The following MAN2A1 variants were observed in gnomAD, a reference collection of about 807,000 sequenced individuals.
MAN2A1 encodes alpha-mannosidase 2.
In MAN2A1, 76 loss-of-function variants were observed where a neutral mutation model predicts 142.6. The observed-to-expected ratio is 0.53, with a 90% confidence interval of 0.44 to 0.65. MAN2A1 has a LOEUF of 0.65. Ranked by LOEUF, MAN2A1 falls within the 30% of genes least tolerant of loss-of-function variation. The pLI is 0.00. For synonymous variants in MAN2A1, 559 were observed against 473.2 expected, an observed-to-expected ratio of 1.18 and a Z score of -2.35; for missense variants, 1,311 against 1,365.1, an observed-to-expected ratio of 0.96 and a Z score of 0.62.
At chr5:109,768,783 C>A (rs992713579) in intron 6 of MAN2A1, among the ~76,000 whole-genome samples, 1 of 152,066 alleles carries the variant, frequency 6.6e-6, no homozygotes, top group Non-Finnish European at 1.5e-5. Flanking sequence ...AGAACAAGAA[C>A]TTGTAGGGGA....
At position 109,784,798 on chromosome 5, in the gene MAN2A1, A is replaced by G. The variant is rs1753554014; in HGVS notation, c.1632A>G (p.Ile544Met). The change falls in exon 10 of 22, where the codon ATA (isoleucine) becomes ATG (methionine). Residue 544 changes from isoleucine to methionine, a missense_variant. Ile to Met is a conservative substitution (Grantham distance 10). Coordinates refer to ENST00000261483, the MANE Select transcript of MAN2A1 (RefSeq NM_002372.4). ...FALRQAHKYK[I>M]NKFLSSSLYT... ...TGAGACAAGCTCACAAATACAAGAT[A>G]AATAAATTTCTCTCATCATCACTTT... 2.5e-6 allele frequency: 4 copies of G among 1,611,656 alleles called. No individual in the cohort carries two copies. The South Asian group carries it at 4.4e-5, about 18-fold the overall frequency.
chr5:109,719,554 G>A (rs1751546777), intron 3 of MAN2A1, among the ~76,000 whole-genome samples: 1 of 152,066 alleles, frequency 6.6e-6, no homozygotes, highest in Non-Finnish European at 1.5e-5. Context: ...TGTGCAATTA[G>A]GCAGTGTTCT....
intron 3 of MAN2A1, among the ~76,000 whole-genome samples, chr5:109,717,150 T>G (rs1323453111): frequency 1.3e-5 from 2 of 152,146 alleles, no homozygotes; most frequent in African/African-American, 4.8e-5. Flanking sequence ...ATATCTCGAT[T>G]TCATGATTAC....
chr5:109,690,275 G>C lies in MAN2A1; in HGVS notation c.-143G>C. On this transcript the variant is annotated 5_prime_UTR_variant, in exon 1 of 22. Coordinates refer to ENST00000261483, the MANE Select transcript of MAN2A1 (RefSeq NM_002372.4). ...CGCCGGAGACTAGGTGCGGAGCAAGGCGGGGACTCGCACCCGCATCCGAGA... is the reference window on the plus strand; with the variant it reads ...CGCCGGAGACTAGGTGCGGAGCAAGCCGGGGACTCGCACCCGCATCCGAGA... 1 of 785,502 alleles carries C rather than the reference G, an allele frequency of 1.3e-6. No homozygotes were observed. Among genetic ancestry groups the C allele is most frequent in the South Asian group, 1.6e-5 (1 of 62,956 alleles). The allele number at this position is 785,502 out of a possible 1,614,324, so 48.7% of individuals were successfully genotyped here.
chr5:109,712,719 T>C (rs977048362), intron 1 of MAN2A1, among the ~76,000 whole-genome samples: 1 of 152,198 alleles, frequency 6.6e-6, no homozygotes, highest in Non-Finnish European at 1.5e-5. Flanking sequence ...CATACATGCC[T>C]GACACAGTGG....
At chr5:109,738,237 T>G (rs867652088) in intron 4 of MAN2A1, among the ~76,000 whole-genome samples, 90 of 150,964 alleles carry the variant, frequency 6.0e-4, no homozygotes, top group African/African-American at 2.0e-3. Flanking sequence ...TTTTATGTTT[T>G]TTTTTTTTTT....
chr5:109,747,291 TAAGC>T lies in MAN2A1; in HGVS notation c.708-8036_708-8033del, dbSNP rs200562053. Among the ~76,000 whole-genome samples, 947 of 152,320 alleles carry T rather than the reference TAAGC, an allele frequency of 6.2e-3. 12 individuals are homozygous for T. The highest frequency in any genetic ancestry group is 0.022 in the African/African-American group (898 of 41,570). ...TACATAGACATAAATATGAGCATGA[TAAGC>T]ATTGACATGAAAATGGCAGTAATTC... On this transcript the variant is annotated intron_variant, in intron 4 of 21. Coordinates refer to ENST00000261483, the MANE Select transcript of MAN2A1 (RefSeq NM_002372.4).
intron 12 of MAN2A1, among the ~76,000 whole-genome samples, chr5:109,812,810 C>T (rs1244565303): frequency 1.3e-5 from 2 of 151,980 alleles, no homozygotes; most frequent in African/African-American, 4.8e-5. Flanking sequence ...TATAAAGCCC[C>T]ACATCAGTAG....
intron 12 of MAN2A1, among the ~76,000 whole-genome samples, chr5:109,791,599 A>G (rs914595397): frequency 1.3e-5 from 2 of 151,910 alleles, no homozygotes; most frequent in African/African-American, 4.8e-5. Flanking sequence ...GTAACAAATT[A>G]TCTCTCTAAA....
intron 9 of MAN2A1, among the ~76,000 whole-genome samples, chr5:109,782,415 G>T (rs927909478): frequency 6.6e-6 from 1 of 152,132 alleles, no homozygotes; most frequent in African/African-American, 2.4e-5. Flanking sequence ...GCCATGTGTG[G>T]CTATGGCTAC....
At chr5:109,704,030 T>G (rs1326518193) in intron 1 of MAN2A1, among the ~76,000 whole-genome samples, 1 of 152,044 alleles carries the variant, frequency 6.6e-6, no homozygotes, top group Admixed American at 6.6e-5. Flanking sequence ...CTGACCACAT[T>G]TTTGGAGGAG....
intron 4 of MAN2A1, among the ~76,000 whole-genome samples, chr5:109,748,471 AATG>A (rs1472970393): frequency 6.6e-6 from 1 of 151,786 alleles, no homozygotes; most frequent in Non-Finnish European, 1.5e-5. Flanking sequence ...ATCAGTGTTA[AATG>A]ATGAACAAAA....
chr5:109,803,827 T>TGG (rs1262811711), intron 12 of MAN2A1, among the ~76,000 whole-genome samples: 1 of 152,088 alleles, frequency 6.6e-6, no homozygotes, highest in East Asian at 1.9e-4. Context: ...CACCAACACT[T>TGG]GAAGTTGTAT....
intron 12 of MAN2A1, among the ~76,000 whole-genome samples, chr5:109,801,126 T>C (rs1485962323): frequency 2.0e-5 from 3 of 152,182 alleles, no homozygotes; most frequent in Non-Finnish European, 4.4e-5. Context: ...AGCCTTTTAT[T>C]ATTCTTATGG....
At chr5:109,736,555 T>G (rs1752105187) in intron 4 of MAN2A1, among the ~76,000 whole-genome samples, 1 of 152,194 alleles carries the variant, frequency 6.6e-6, no homozygotes, top group African/African-American at 2.4e-5. Context: ...GGTGTTACCT[T>G]ACTTCTTGAG....
intron 1 of MAN2A1, among the ~76,000 whole-genome samples, chr5:109,695,698 T>C (rs1228518662): frequency 6.6e-6 from 1 of 152,232 alleles, no homozygotes; most frequent in African/African-American, 2.4e-5. Flanking sequence ...TAAAAGTTCC[T>C]GATAGCAGCA....
intron 19 of MAN2A1, among the ~76,000 whole-genome samples, chr5:109,853,294 G>C (rs1191414986): frequency 6.6e-6 from 1 of 152,080 alleles, no homozygotes; most frequent in Non-Finnish European, 1.5e-5. Context: ...ATTCACCTGG[G>C]GAGGCTTTTC....
intron 12 of MAN2A1, among the ~76,000 whole-genome samples, chr5:109,815,332 C>T (rs547146293): frequency 1.4e-4 from 22 of 152,274 alleles, no homozygotes; most frequent in African/African-American, 4.6e-4. Context: ...CACCCTCCCT[C>T]GCCTTGAGAA....
chr5:109,865,386 G>T, intron 21 of MAN2A1: 1 of 474,318 alleles, frequency 2.1e-6, no homozygotes. Context: ...CAATGCTCTT[G>T]TTATTTCCTA....
Sources: allele counts gnomAD v4.1 joint callset (sites outside exome capture counted in the v4.1 genomes callset), GRCh38; gene constraint gnomAD v4.1.1; transcripts MANE v1.5; gene names NCBI Gene and HGNC (gene_info 2026-07-23, HGNC 2026-07-21).